The following PCDHGB2 variants were observed in gnomAD, a reference collection of about 807,000 sequenced individuals.
PCDHGB2 encodes protocadherin gamma-B2.
A neutral mutation model predicts 59.3 loss-of-function variants in PCDHGB2; 55 were observed. The ratio of observed to expected loss-of-function variants is 0.93; its 90% CI spans 0.75 to 1.16. The LOEUF is 1.16. Among genes scored for constraint, PCDHGB2 ranks in the 50% most tolerant of loss-of-function variants. The pLI is 0.00. For missense variants in PCDHGB2, 1,228 were observed against 1,198.5 expected, an observed-to-expected ratio of 1.02 and a Z score of -0.36; for synonymous variants, 516 against 512.0, an observed-to-expected ratio of 1.01 and a Z score of -0.11.
At chr5:141,423,500 T>A (rs1191111288) in intron 1 of PCDHGB2, 1 of 1,613,732 alleles carries the variant, frequency 6.2e-7, no homozygotes, top group Non-Finnish European at 8.5e-7. Flanking sequence ...TCCCACGAGG[T>A]CTCTCTCATT....
At chr5:141,390,486 G>A (rs1348752991) in intron 1 of PCDHGB2, 3 of 649,258 alleles carry the variant, frequency 4.6e-6, no homozygotes, top group Non-Finnish European at 7.7e-6. Context: ...ACATTTGTTT[G>A]TTTTTTAGCC....
At position 141,383,836 on chromosome 5, in the gene PCDHGB2, G is replaced by T. The variant is rs753167153; in HGVS notation, c.2421+21280G>T. On this transcript the variant is annotated intron_variant, in intron 1 of 3. Coordinates refer to ENST00000522605, the MANE Select transcript of PCDHGB2 (RefSeq NM_018923.3). ...AGAAGGATTAGATTATGAAGAAACT[G>T]CCTTCTATGAAATGGAGGTTCAGGC... 7 of 1,613,756 alleles carry T rather than the reference G, an allele frequency of 4.3e-6. No individual in the cohort carries two copies. The South Asian group carries it at 5.5e-5, about 13-fold the overall frequency.
chr5:141,382,519 T>G lies in PCDHGB2; in HGVS notation c.2421+19963T>G, dbSNP rs147736839. On this transcript the variant is annotated intron_variant, in intron 1 of 3. Transcript: ENST00000522605. ...CATGAACACTGTTGCATTAATTCAG[T>G]GTCTTAAAATGGATTTTTAATTATC... 7.0e-4 allele frequency among the ~76,000 whole-genome samples: 107 copies of G among 152,314 alleles called. No homozygotes were observed. In the Middle Eastern group the frequency reaches 0.01, roughly 15 times the overall value.
rs779342119 is a variant in PCDHGB2, at chr5:141,360,661, G to T, written c.526G>T (p.Glu176Ter). The change falls in exon 1 of 4, where the codon GAG becomes TAG. Residue 176 changes from glutamate to a stop codon, truncating the protein, a stop_gained. Coordinates refer to ENST00000522605, the MANE Select transcript of PCDHGB2 (RefSeq NM_018923.3). LOFTEE classifies it high-confidence loss of function. ...ACAAAGATACCACCTTAATGACAAC[G>T]AGTACTTTGATCTCGCTGAGAAACA... ...SLQRYHLNDN[E>*]YFDLAEKQTP... is the part of the protein sequence containing the mutation. 6.2e-7 allele frequency: 1 copy of T among 1,613,944 alleles called. No individual in the cohort carries two copies. Among genetic ancestry groups the T allele is most frequent in the Middle Eastern group, 1.6e-4 (1 of 6,062 alleles).
chr5:141,360,157 T>G lies in PCDHGB2; in HGVS notation c.22T>G (p.Cys8Gly), dbSNP rs185682995. The change falls in exon 1 of 4, where the codon TGC (cysteine) becomes GGC (glycine). Residue 8 changes from cysteine to glycine, a missense_variant. Cys to Gly is a radical substitution (Grantham distance 159, BLOSUM62 -3). Coordinates refer to ENST00000522605, the MANE Select transcript of PCDHGB2 (RefSeq NM_018923.3). The part of the protein sequence containing the change: MKASSGR[C>G]GLVRWLQVLL... The stretch of plus-strand genomic sequence containing the variant: ...GAAGATGAAAGCGAGCTCAGGGAGG[T>G]GCGGGCTGGTGCGGTGGCTGCAGGT... The G allele has an allele frequency of 6.2e-7, 1 of 1,603,294 alleles. No homozygotes were observed. Among genetic ancestry groups the G allele is most frequent in the African/African-American group, 1.3e-5 (1 of 74,540 alleles).
rs780664832 is a variant in PCDHGB2 at position 141,422,982 on chromosome 5, T to C, written c.2421+60426T>C. On this transcript the variant is annotated intron_variant, in intron 1 of 3. Coordinates refer to ENST00000522605, the MANE Select transcript of PCDHGB2 (RefSeq NM_018923.3). ...AGCTGGCGCCCCGCTCTGCGGAACC[T>C]GGCTACCTGGTGACCAAGGTGGTTG... 2.5e-6 allele frequency: 4 copies of C among 1,614,206 alleles called. No individual in the cohort carries two copies. The South Asian group carries it at 4.4e-5, about 18-fold the overall frequency.
chr5:141,364,639 G>A, intron 1 of PCDHGB2: 1 of 1,614,116 alleles, frequency 6.2e-7, no homozygotes. Flanking sequence ...CACTGTGTGT[G>A]GTGAACTTTA....
chr5:141,393,623 T>A (rs1446921809), intron 1 of PCDHGB2: 2 of 1,613,916 alleles, frequency 1.2e-6, no homozygotes, highest in African/African-American at 2.7e-5. Flanking sequence ...GCGACCCGGA[T>A]GAGGGAATCA....
At position 141,491,201 on chromosome 5, in the gene PCDHGB2, C is replaced by T. The variant is rs752813291; in HGVS notation, c.2422-3606C>T. The T allele has an allele frequency of 3.7e-6, 6 of 1,614,226 alleles. No homozygotes were observed. The Admixed American group carries it at 5.0e-5, about 13-fold the overall frequency. On this transcript the variant is annotated intron_variant, in intron 1 of 3. Transcript: ENST00000522605. This position sits in a 1 kb window ranked among gnomAD's most constrained non-coding sequence, Gnocchi z 6.9. ...GTCCTGGTGAGGGACAATGGTGACCCTTCACTCTCCTCCACAGCCACAGTG... is the reference window on the plus strand; with the variant it reads ...GTCCTGGTGAGGGACAATGGTGACCTTTCACTCTCCTCCACAGCCACAGTG...
In PCDHGB2 at chr5:141,477,868, C is replaced by A; in HGVS notation, c.2422-16939C>A. The A allele has an allele frequency of 6.2e-7, 1 of 1,613,750 alleles. No homozygotes were observed. Among genetic ancestry groups the A allele is most frequent in the Non-Finnish European group, 8.5e-7 (1 of 1,179,908 alleles). ...CGGTGGAGATGCTGCCTCGAGGTAC[C>A]TCAGCTGGCCACCTAGTGTCACGGG... On this transcript the variant is annotated intron_variant, in intron 1 of 3. Coordinates refer to ENST00000522605, the MANE Select transcript of PCDHGB2 (RefSeq NM_018923.3). The surrounding 1 kb of genome is among the most constrained non-coding windows in gnomAD (Gnocchi z 4.9).
At chr5:141,478,498 G>A in intron 1 of PCDHGB2, 8 of 1,612,712 alleles carry the variant, frequency 5.0e-6, no homozygotes, top group South Asian at 1.1e-5. Context: ...GCTGTGATCC[G>A]GTGTTCTATA....
chr5:141,376,772 C>T lies in PCDHGB2; in HGVS notation c.2421+14216C>T, dbSNP rs911404342. ...CGCAATCTCGGCTCACTGCAAGCTC[C>T]GCTTCCCGGGTTCACGCCATTCTCC... On this transcript the variant is annotated intron_variant, in intron 1 of 3. Transcript: ENST00000522605. The T allele has an allele frequency of 8.2e-5, 34 of 412,628 alleles. 1 individual carries two copies. The highest frequency in any genetic ancestry group is 3.9e-4 in the Admixed American group (9 of 23,202). 25.6% of individuals were successfully genotyped at this position (412,628 alleles called of 1,614,324 possible).
intron 1 of PCDHGB2, among the ~76,000 whole-genome samples, chr5:141,430,383 G>GA (rs139772145): frequency 0.061 from 8,436 of 138,452 alleles, 243 homozygotes; most frequent in South Asian, 0.089. Context: ...AGCTCATTGG[G>GA]AAAAAAAAAA....
At chr5:141,363,080 T>C (rs553480697) in intron 1 of PCDHGB2, among the ~76,000 whole-genome samples, 1 of 152,380 alleles carries the variant, frequency 6.6e-6, no homozygotes, top group African/African-American at 2.4e-5. Context: ...GAATCACAAA[T>C]GTATTTCTAA....
At chr5:141,372,318 C>T (rs1768657000) in intron 1 of PCDHGB2, 2 of 1,613,632 alleles carry the variant, frequency 1.2e-6, no homozygotes, top group Non-Finnish European at 1.7e-6. Context: ...CCGCCAGCGC[C>T]TGCTGGTCAC....
At chr5:141,448,086 TA>T (rs558292628) in intron 1 of PCDHGB2, among the ~76,000 whole-genome samples, 67 of 146,274 alleles carry the variant, frequency 4.6e-4, no homozygotes, top group African/African-American at 8.0e-4. Context: ...AATGCCATCT[TA>T]AAAAAAAAAA....
chr5:141,439,800 T>C (rs1393580217), intron 1 of PCDHGB2: 1 of 152,300 alleles, frequency 6.6e-6, no homozygotes, highest in Admixed American at 6.5e-5. Context: ...CAAGAAGAGT[T>C]TGAAAAGGGG....
At chr5:141,427,132 G>A (rs755992698) in intron 1 of PCDHGB2, 1 of 457,106 alleles carries the variant, frequency 2.2e-6, no homozygotes, top group South Asian at 1.5e-5. Flanking sequence ...AAATCCCTAC[G>A]AGATGATATT....
chr5:141,500,467 C>T lies in PCDHGB2; in HGVS notation c.2481-4926C>T, dbSNP rs368360639. 6.6e-5 allele frequency among the ~76,000 whole-genome samples: 10 copies of T among 152,262 alleles called. No homozygotes were observed. In the South Asian group the frequency reaches 2.1e-3, roughly 32 times the overall value. ...CTCGTGATCCGCCCGCCTCGGCCTC[C>T]CAAAGTGCTGGGATTACAGGCGTGA... is the stretch of plus-strand genomic sequence containing the variant. On this transcript the variant is annotated intron_variant, in intron 2 of 3. Coordinates refer to ENST00000522605, the MANE Select transcript of PCDHGB2 (RefSeq NM_018923.3).
Sources: allele counts gnomAD v4.1 joint callset (sites outside exome capture counted in the v4.1 genomes callset), GRCh38; gene constraint gnomAD v4.1.1; non-coding constraint Gnocchi (gnomAD v3.1); transcripts MANE v1.5; gene names NCBI Gene and HGNC (gene_info 2026-07-23, HGNC 2026-07-21).